TMPRSS11F: variants seen among roughly 807,000 people sequenced by gnomAD.
The protein encoded by TMPRSS11F is transmembrane protease serine 11F.
Under a neutral mutation model 60.2 loss-of-function variants are expected in TMPRSS11F, and 47 were observed. The observed-to-expected ratio is 0.78, with a 90% CI of 0.62 to 1.00. The LOEUF (loss-of-function observed/expected upper bound fraction) is 1.00, where lower values mean the gene tolerates loss of function less well. Among genes scored for constraint, TMPRSS11F ranks in the 50% least tolerant of loss-of-function variants. TMPRSS11F has a pLI of 0.00. For missense variants in TMPRSS11F, 519 were observed against 522.9 expected, an observed-to-expected ratio of 0.99 and a Z score of 0.07; for synonymous variants, 166 against 167.3, an observed-to-expected ratio of 0.99 and a Z score of 0.06.
chr4:68,057,843 T>C, intron 9 of TMPRSS11F, among the ~76,000 whole-genome samples: 1 of 152,280 alleles, frequency 6.6e-6, no homozygotes, highest in Middle Eastern at 3.4e-3. Context: ...TGTGAAGAGA[T>C]AAAGATAATA....
chr4:68,090,622 G>A lies in TMPRSS11F; in HGVS notation c.183C>T (p.Tyr61=). 4 of 1,597,784 alleles carry A rather than the reference G, an allele frequency of 2.5e-6. No individual in the cohort carries two copies. The highest frequency in any genetic ancestry group is 2.6e-6 in the Non-Finnish European group (3 of 1,171,140). Residue 61 remains tyrosine, a synonymous_variant, in exon 3 of 10, where the codon TAC becomes TAT. Transcript: ENST00000356291. The part of the protein sequence containing the change: ...FVVEDDKSFY[Y]LASFKVTNIK... ...TATTTGTGACTTTAAAAGAGGCAAG[G>A]TAATAGAAAGACTTATCATCTGAAA...
intron 3 of TMPRSS11F, among the ~76,000 whole-genome samples, chr4:68,087,344 C>G (rs1303081152): frequency 6.6e-6 from 1 of 151,966 alleles, no homozygotes. Flanking sequence ...ATAAACTAGG[C>G]ATTGAAGGAA....
intron 5 of TMPRSS11F, among the ~76,000 whole-genome samples, chr4:68,072,025 C>T (rs1329087084): frequency 1.3e-5 from 2 of 150,972 alleles, no homozygotes; most frequent in Non-Finnish European, 3.0e-5. Context: ...TGTAAAATGG[C>T]GAAAGTAATA....
intron 1 of TMPRSS11F, among the ~76,000 whole-genome samples, chr4:68,108,003 T>C (rs1482756526): frequency 6.6e-6 from 1 of 152,110 alleles, no homozygotes; most frequent in Non-Finnish European, 1.5e-5. Flanking sequence ...TTCAAAAGGA[T>C]CACCCTGTGG....
intron 1 of TMPRSS11F, among the ~76,000 whole-genome samples, chr4:68,117,467 C>CAAAAAAAAAAAAAAAAAA (rs55708045): frequency 1.9e-5 from 1 of 51,394 alleles, no homozygotes; most frequent in Non-Finnish European, 3.0e-5. Context: ...GACTCTGTCT[C>CAAAAAAAAAAAAAAAAAA]AAAAAAAAAA....
In TMPRSS11F at chr4:68,072,428, C is replaced by T; in HGVS notation, c.409G>A (p.Asp137Asn). ...TTTTTCTTGATTTGTTCAGCACTAT[C>T]AGTAGATGGGTATCGAAATATGAGC... ...IVLIFRYPST[D>N]SAEQIKKKIE... Residue 137 changes from aspartate to asparagine, a missense_variant, in exon 5 of 10, where the codon GAT (aspartate) becomes AAT (asparagine). Physicochemically the swap from Asp to Asn is conservative, Grantham distance 23. Coordinates refer to ENST00000356291, the MANE Select transcript of TMPRSS11F (RefSeq NM_207407.2). 6.3e-7 allele frequency: 1 copy of T among 1,589,806 alleles called. No homozygotes were observed. The highest frequency in any genetic ancestry group is 1.1e-5 in the South Asian group (1 of 87,254).
intron 7 of TMPRSS11F, among the ~76,000 whole-genome samples, chr4:68,065,767 T>TAAAA (rs11439869): frequency 6.8e-6 from 1 of 147,894 alleles, no homozygotes. Context: ...TTAAATGTAA[T>TAAAA]AAAAAAAAAA....
At chr4:68,119,142 C>A (rs1028755158) in intron 1 of TMPRSS11F, among the ~76,000 whole-genome samples, 5 of 152,060 alleles carry the variant, frequency 3.3e-5, no homozygotes, top group African/African-American at 1.2e-4. Context: ...CCACACACAA[C>A]ATGTGTTAAG....
At chr4:68,129,494 T>G (rs1470079426) in intron 1 of TMPRSS11F, among the ~76,000 whole-genome samples, 2 of 152,146 alleles carry the variant, frequency 1.3e-5, no homozygotes, top group East Asian at 3.8e-4. Context: ...CTAAATGGGC[T>G]ATATTAAACA....
In TMPRSS11F at chr4:68,099,031, C is replaced by A; in HGVS notation, c.19G>T (p.Glu7Ter). 1 of 1,612,176 alleles carries A rather than the reference C, an allele frequency of 6.2e-7. No homozygotes were observed. The highest frequency in any genetic ancestry group is 8.5e-7 in the Non-Finnish European group (1 of 1,179,138). The change falls in exon 2 of 10, where the codon GAA (glutamate) becomes TAA (stop). Residue 7 changes from glutamate to a stop codon, truncating the protein, a stop_gained. Coordinates refer to ENST00000356291, the MANE Select transcript of TMPRSS11F (RefSeq NM_207407.2). LOFTEE classifies it high-confidence loss of function. ...CGTGAGAATTCAGCTTCTGAAAATT[C>A]AACAGGTCTGTGATAACAGAAAGAA... MMYAPV[E>*]FSEAEFSRAE...
intron 1 of TMPRSS11F, among the ~76,000 whole-genome samples, chr4:68,121,606 T>TA (rs1253173406): frequency 6.6e-6 from 1 of 152,186 alleles, no homozygotes; most frequent in African/African-American, 2.4e-5. Flanking sequence ...ACTAAATACA[T>TA]AAAAATAAAT....
intron 7 of TMPRSS11F, among the ~76,000 whole-genome samples, chr4:68,066,742 T>C (rs531613821): frequency 6.6e-6 from 1 of 152,084 alleles, no homozygotes; most frequent in Admixed American, 6.5e-5. Context: ...GAGACCATCC[T>C]GGTTAACACG....
At chr4:68,059,141 A>G (rs1175163613) in intron 9 of TMPRSS11F, among the ~76,000 whole-genome samples, 185 bp downstream of exon 9, 1 of 152,052 alleles carries the variant, frequency 6.6e-6, no homozygotes, top group East Asian at 1.9e-4. Flanking sequence ...AAAAGTGCTT[A>G]ATTTTTGGCT....
chr4:68,064,697 T>C lies in TMPRSS11F; in HGVS notation c.1003A>G (p.Ile335Val). 1 of 1,613,984 alleles carries C rather than the reference T, an allele frequency of 6.2e-7. No homozygotes were observed. Reference sequence around the variant, plus strand: ...TGAAACTGCTCACCATCATCTACAATGGATCCAAATCCTGTGACGAACACA... The same window carrying C: ...TGAAACTGCTCACCATCATCTACAACGGATCCAAATCCTGTGACGAACACA... ...TSVFVTGFGS[I>V]VDDGPIQNTL... The change falls in exon 8 of 10, where the codon ATT (isoleucine) becomes GTT (valine). Residue 335 changes from isoleucine (I) to valine (V), a missense_variant. Ile to Val is a conservative substitution (Grantham distance 29, BLOSUM62 3). Transcript: ENST00000356291.
intron 5 of TMPRSS11F, 22 bp downstream of exon 5, chr4:68,072,301 C>A: frequency 1.4e-6 from 2 of 1,416,672 alleles, no homozygotes; most frequent in Non-Finnish European, 9.3e-7. Context: ...ACAAAAGTGG[C>A]AAATAAAAAT....
intron 1 of TMPRSS11F, among the ~76,000 whole-genome samples, chr4:68,118,281 C>T (rs988606622): frequency 2.0e-5 from 3 of 152,158 alleles, no homozygotes; most frequent in African/African-American, 4.8e-5. Context: ...AATGAATACA[C>T]ATACTTAAAC....
intron 1 of TMPRSS11F, among the ~76,000 whole-genome samples, chr4:68,129,210 C>G: frequency 6.6e-6 from 1 of 151,966 alleles, no homozygotes; most frequent in East Asian, 1.9e-4. Context: ...AATTTATTTA[C>G]CTTAAATTCA....
At chr4:68,082,510 G>A (rs1021222759) in intron 3 of TMPRSS11F, among the ~76,000 whole-genome samples, 1 of 152,198 alleles carries the variant, frequency 6.6e-6, no homozygotes, top group Non-Finnish European at 1.5e-5. Context: ...ACAGCTGGCT[G>A]TCCACCAGCC....
chr4:68,089,983 T>C (rs1723890535), intron 3 of TMPRSS11F, among the ~76,000 whole-genome samples: 3 of 152,130 alleles, frequency 2.0e-5, no homozygotes, highest in Non-Finnish European at 4.4e-5. Context: ...CTCTTTGCCT[T>C]TCTGCTATGA....
Sources: gnomAD v4.1 joint callset for allele counts (sites outside exome capture counted in the v4.1 genomes callset) on GRCh38, gnomAD v4.1.1 for gene constraint, MANE v1.5 for transcripts, NCBI Gene and HGNC (gene_info 2026-07-23, HGNC 2026-07-21) for gene names.